QTGAL: variants seen among roughly 807,000 people sequenced by gnomAD.
The protein encoded by QTGAL is BGnT-like protein 1.
At chr17:83,038,527 A>G in the QTGAL span, among the ~76,000 whole-genome samples, 2 of 152,246 alleles carry the variant, frequency 1.3e-5, no homozygotes, top group African/African-American at 2.4e-5. Flanking sequence ...TCATCCAACT[A>G]TAAAAGATGC....
At chr17:82,987,489 G>A in the QTGAL span, among the ~76,000 whole-genome samples, 5 of 152,132 alleles carry the variant, frequency 3.3e-5, no homozygotes, top group Non-Finnish European at 4.4e-5. Context: ...CAGATGAACC[G>A]TATTCATAAA....
the QTGAL span, among the ~76,000 whole-genome samples, chr17:83,019,148 T>C: frequency 6.6e-6 from 1 of 151,980 alleles, no homozygotes; most frequent in African/African-American, 2.4e-5. Flanking sequence ...CAGAAAGGGA[T>C]TGTCTGTGCT....
the QTGAL span, among the ~76,000 whole-genome samples, chr17:82,976,146 G>A: frequency 5.6e-4 from 20 of 35,580 alleles, no homozygotes; most frequent in Admixed American, 1.5e-3. Flanking sequence ...TATGGGGAAC[G>A]AGGGCCCCGG....
the QTGAL span, chr17:83,048,918 C>T: frequency 7.1e-6 from 5 of 705,698 alleles, no homozygotes; most frequent in Non-Finnish European, 1.0e-5. Context: ...TTTCTCCAGG[C>T]TCTTAACATG....
chr17:83,048,154 G>A, the QTGAL span, among the ~76,000 whole-genome samples: 1 of 152,146 alleles, frequency 6.6e-6, no homozygotes, highest in Non-Finnish European at 1.5e-5. Flanking sequence ...AGCCTCCCAA[G>A]TAGTTGGGAT....
chr17:82,973,895 G>T, the QTGAL span, among the ~76,000 whole-genome samples: 31 of 152,184 alleles, frequency 2.0e-4, no homozygotes, highest in African/African-American at 7.2e-4. Context: ...CCTCTCCCGT[G>T]TGGACAGGAG....
At chr17:82,961,350 A>G in the QTGAL span, 4 of 623,446 alleles carry the variant, frequency 6.4e-6, no homozygotes, top group East Asian at 2.0e-4. Flanking sequence ...GGCGACCACA[A>G]CAGACGTGAG....
At chr17:83,047,983 C>T in the QTGAL span, among the ~76,000 whole-genome samples, 1 of 151,514 alleles carries the variant, frequency 6.6e-6, no homozygotes, top group South Asian at 2.1e-4. Context: ...TTTTCTCTCC[C>T]TCTCCTTTCT....
chr17:82,970,910 A>T, the QTGAL span, among the ~76,000 whole-genome samples: 1 of 152,150 alleles, frequency 6.6e-6, no homozygotes, highest in East Asian at 1.9e-4. Flanking sequence ...GGCTGCTTTA[A>T]CCCGGGTGGA....
chr17:82,998,811 T>G, the QTGAL span, among the ~76,000 whole-genome samples: 6 of 152,152 alleles, frequency 3.9e-5, no homozygotes, highest in Admixed American at 3.9e-4. Context: ...AACACAAAAA[T>G]GGGCAAAGGA....
At chr17:83,000,527 T>C in the QTGAL span, among the ~76,000 whole-genome samples, 6 of 152,046 alleles carry the variant, frequency 3.9e-5, no homozygotes, top group African/African-American at 1.5e-4. Flanking sequence ...TTTGTATGCA[T>C]GTTAAGTTTT....
the QTGAL span, among the ~76,000 whole-genome samples, chr17:82,962,949 G>A: frequency 8.5e-3 from 1,288 of 152,156 alleles, 19 homozygotes; most frequent in African/African-American, 0.03. Context: ...TGAGAGGCCC[G>A]AAATGGCCTC....
At chr17:82,950,539 C>G in the QTGAL span, among the ~76,000 whole-genome samples, 1 of 152,158 alleles carries the variant, frequency 6.6e-6, no homozygotes, top group East Asian at 1.9e-4. Flanking sequence ...GTTTACTCAC[C>G]TAAATGTCCC....
At chr17:83,038,618 G>C in the QTGAL span, among the ~76,000 whole-genome samples, 2 of 152,126 alleles carry the variant, frequency 1.3e-5, no homozygotes, top group African/African-American at 4.8e-5. Context: ...CAGCACTGTG[G>C]GAGGCCAAGG....
the QTGAL span, among the ~76,000 whole-genome samples, chr17:82,965,901 C>G: frequency 2.6e-5 from 4 of 152,060 alleles, no homozygotes; most frequent in East Asian, 7.7e-4. Context: ...ACCACGGGGC[C>G]GACGTGTCCC....
the QTGAL span, chr17:82,942,601 C>A: frequency 8.4e-7 from 1 of 1,189,256 alleles, no homozygotes; most frequent in Non-Finnish European, 1.2e-6. Context: ...CTGGCACTAG[C>A]TGACAGCTTT....
the QTGAL span, among the ~76,000 whole-genome samples, chr17:82,986,942 C>T: frequency 6.6e-6 from 1 of 152,214 alleles, no homozygotes; most frequent in Admixed American, 6.5e-5. Context: ...TGCCCCCGCT[C>T]CTCCCTGTCC....
At chr17:83,019,620 A>G in the QTGAL span, among the ~76,000 whole-genome samples, 1 of 152,248 alleles carries the variant, frequency 6.6e-6, no homozygotes, top group South Asian at 2.1e-4. Context: ...GGGGCTGCAC[A>G]GCAATGTGAC....
the QTGAL span, chr17:83,006,172 T>G: frequency 2.0e-6 from 2 of 986,096 alleles, no homozygotes; most frequent in African/African-American, 3.5e-5. The surrounding 1 kb of genome is among the most constrained non-coding windows in gnomAD (Gnocchi z 5.8). Context: ...GAGACAATAG[T>G]GAAAATGTAA....
Sources: gnomAD v4.1 joint callset for allele counts (sites outside exome capture counted in the v4.1 genomes callset) on GRCh38, gnomAD v4.1.1 for gene constraint, Gnocchi (gnomAD v3.1) non-coding constraint, MANE v1.5 for transcripts, NCBI Gene and HGNC (gene_info 2026-07-23, HGNC 2026-07-21) for gene names.